Variants in AGO2 observed in about 807,000 individuals in gnomAD.
AGO2 encodes the protein protein argonaute-2.
AGO2 carries 5 observed loss-of-function variants against 102.3 expected under a neutral mutation model. That is an observed-to-expected ratio of 0.05 (90% CI 0.03 to 0.10). The LOEUF (loss-of-function observed/expected upper bound fraction) is 0.10. Among genes scored for constraint, AGO2 ranks in the 10% least tolerant of loss-of-function variants. AGO2 has a pLI of 1.00. For synonymous variants in AGO2, 449 were observed against 473.1 expected, an observed-to-expected ratio of 0.95 and a Z score of 0.66; for missense variants, 541 against 1,183.7, an observed-to-expected ratio of 0.46 and a Z score of 7.97.
chr8:140,642,021 A>T, the AGO2 span, among the ~76,000 whole-genome samples: 1 of 152,156 alleles, frequency 6.6e-6, no homozygotes, highest in Non-Finnish European at 1.5e-5. Flanking sequence ...CAGCCTGGTC[A>T]ACAGAGACCG....
chr8:140,584,463 G>A (rs923720562), intron 2 of AGO2, among the ~76,000 whole-genome samples: 3 of 152,152 alleles, frequency 2.0e-5, no homozygotes, highest in Non-Finnish European at 4.4e-5. Context: ...GCTGCCCTTC[G>A]GCCCAGCAAT....
chr8:140,592,899 C>A (rs1425040687), intron 1 of AGO2: 1 of 152,318 alleles, frequency 6.6e-6, no homozygotes, highest in Admixed American at 6.5e-5. Context: ...TTGGACTTGT[C>A]TTCATTGCAC....
chr8:140,613,833 C>T (rs6578124), intron 1 of AGO2, among the ~76,000 whole-genome samples: 125,718 of 151,680 alleles, frequency 0.83, 52,459 homozygotes, highest in Middle Eastern at 0.89. Context: ...CTGGGCAACA[C>T]AGAGAGACCT....
At chr8:140,603,116 G>A (rs1265030422) in intron 1 of AGO2, among the ~76,000 whole-genome samples, 1 of 152,232 alleles carries the variant, frequency 6.6e-6, no homozygotes, top group Non-Finnish European at 1.5e-5. Flanking sequence ...CCCAGAATTG[G>A]TGGGAGCCTC....
At chr8:140,575,183 T>A (rs766908900) in intron 2 of AGO2, among the ~76,000 whole-genome samples, 3 of 152,120 alleles carry the variant, frequency 2.0e-5, no homozygotes, top group Non-Finnish European at 2.9e-5. Context: ...GCCGTCAGCA[T>A]GGCCCTGGCA....
chr8:140,570,921 C>T (rs936810345), intron 3 of AGO2, among the ~76,000 whole-genome samples: 7 of 152,202 alleles, frequency 4.6e-5, no homozygotes, highest in East Asian at 1.9e-4. Context: ...CCCTGATGCC[C>T]GCCTTGTGTG....
At chr8:140,566,065 T>C (rs1485497901) in intron 3 of AGO2, among the ~76,000 whole-genome samples, 2 of 152,164 alleles carry the variant, frequency 1.3e-5, no homozygotes, top group Non-Finnish European at 2.9e-5. Flanking sequence ...AATGAATTTT[T>C]GACTGCATGG....
chr8:140,607,459 TA>T (rs1390403169), intron 1 of AGO2, among the ~76,000 whole-genome samples: 6 of 2,080 alleles, frequency 2.9e-3, no homozygotes, highest in Admixed American at 5.9e-3. Flanking sequence ...AAAGAAAAAT[TA>T]TATATATATA....
intron 2 of AGO2, among the ~76,000 whole-genome samples, chr8:140,574,394 C>T (rs534356827): frequency 2.0e-5 from 3 of 152,022 alleles, no homozygotes; most frequent in South Asian, 2.1e-4. Context: ...CCCAAGCGGC[C>T]GGAACTACAC....
At chr8:140,549,364 G>T in intron 11 of AGO2, 66 bp from the exon 12 acceptor site, 1 of 1,475,606 alleles carries the variant, frequency 6.8e-7, no homozygotes, top group East Asian at 2.3e-5. Flanking sequence ...CCGACCAGAG[G>T]CTCTAACACA....
Position 140,530,931 on chromosome 8 carries a change from G to A in AGO2, c.*1113C>T, listed in dbSNP as rs2072584441. On this transcript the variant is annotated 3_prime_UTR_variant, in exon 19 of 19. Transcript: ENST00000220592. ...ACGGGGATGAGGCGGCAGGGAGGGT[G>A]GCGAGCGGCGCGGAGGGCACATCCG... 1 of 152,348 alleles carries A rather than the reference G, an allele frequency of 6.6e-6. No individual in the cohort carries two copies. Among genetic ancestry groups the A allele is most frequent in the Admixed American group, 6.5e-5 (1 of 15,286 alleles). 9.4% of individuals were successfully genotyped at this position (152,348 alleles called of 1,614,324 possible).
intron 17 of AGO2, 76 bp downstream of exon 17, chr8:140,535,392 G>T: frequency 6.8e-7 from 1 of 1,466,832 alleles, no homozygotes; most frequent in Non-Finnish European, 9.6e-7. Flanking sequence ...GCCAGCCAGA[G>T]TGCAAGTGTT....
At chr8:140,533,138 C>T (rs1442752388) in intron 17 of AGO2, among the ~76,000 whole-genome samples, 2 of 151,918 alleles carry the variant, frequency 1.3e-5, no homozygotes, top group African/African-American at 4.8e-5. Context: ...ACCTGTAATC[C>T]CAGCACTTTG....
At chr8:140,610,774 C>A (rs960966907) in intron 1 of AGO2, among the ~76,000 whole-genome samples, 3 of 152,186 alleles carry the variant, frequency 2.0e-5, no homozygotes, top group South Asian at 2.1e-4. Flanking sequence ...GCCAACCCCC[C>A]CATATGCTCA....
chr8:140,545,306 G>A (rs924307608), intron 13 of AGO2, among the ~76,000 whole-genome samples: 1 of 152,120 alleles, frequency 6.6e-6, no homozygotes, highest in African/African-American at 2.4e-5. Context: ...GATGAGCTCT[G>A]CATCACCCAG....
intron 3 of AGO2, among the ~76,000 whole-genome samples, chr8:140,565,209 G>A (rs1588462348): frequency 6.6e-6 from 1 of 152,148 alleles, no homozygotes; most frequent in Non-Finnish European, 1.5e-5. Flanking sequence ...GGAGGCTGAG[G>A]TGGGGGGATC....
Position 140,535,480 on chromosome 8 carries a change from G to A in AGO2, c.2259C>T (p.His753=), listed in dbSNP as rs146989262. Residue 753 remains histidine, a synonymous_variant, in exon 17 of 19, where the codon CAC becomes CAT. Transcript: ENST00000220592. ...PTEFDFYLCS[H]AGIQGTSRPS... is the part of the protein sequence containing the mutation. Reference sequence around the variant, plus strand: ...CTCCCGGCCTTACCTGGATGCCAGCGTGACTACACAGGTAGAAGTCGAACT... The same window carrying A: ...CTCCCGGCCTTACCTGGATGCCAGCATGACTACACAGGTAGAAGTCGAACT... 2.0e-5 allele frequency: 32 copies of A among 1,614,062 alleles called. No homozygotes were observed. The highest frequency in any genetic ancestry group is 1.3e-4 in the African/African-American group (10 of 74,938).
chr8:140,614,047 A>G (rs1234225057), intron 1 of AGO2, among the ~76,000 whole-genome samples: 1 of 143,626 alleles, frequency 7.0e-6, no homozygotes, highest in African/African-American at 2.6e-5. Flanking sequence ...AAAAGGCCAG[A>G]CACGGTGGCT....
intron 13 of AGO2, among the ~76,000 whole-genome samples, chr8:140,546,385 C>CAGTCCTGCTGAGTAGGACACTCGGGAACG (rs2072901086): frequency 6.6e-6 from 1 of 152,236 alleles, no homozygotes; most frequent in South Asian, 2.1e-4. Flanking sequence ...TGGCCCCAAT[C>CAGTCCTGCTGAGTAGGACACTCGGGAACG]AGTCCTGCTG....
Sources: allele counts gnomAD v4.1 joint callset (sites outside exome capture counted in the v4.1 genomes callset), GRCh38; gene constraint gnomAD v4.1.1; transcripts MANE v1.5; gene names NCBI Gene and HGNC (gene_info 2026-07-23, HGNC 2026-07-21).